The following FOXP4 variants were observed in gnomAD, a reference collection of about 807,000 sequenced individuals.
FOXP4 encodes the protein forkhead box protein P4.
FOXP4 carries 25 observed loss-of-function variants against 82.6 expected under a neutral mutation model. That is an observed-to-expected ratio of 0.30 (90% CI 0.22 to 0.42). FOXP4 has a LOEUF of 0.42. Ranked by LOEUF, FOXP4 falls within the 10% of genes least tolerant of loss-of-function variation. FOXP4 has a pLI of 1.00. For missense variants in FOXP4, 785 were observed against 900.9 expected (o/e 0.87, Z 1.65); for synonymous variants, 415 against 388.2 (o/e 1.07, Z -0.81).
chr6:41,553,947 C>G (rs908735715), intron 1 of FOXP4, among the ~76,000 whole-genome samples: 4 of 152,150 alleles, frequency 2.6e-5, no homozygotes, highest in Admixed American at 1.3e-4. Context: ...TGCTCTGCCC[C>G]CTGCATGGAA....
Position 41,600,309 on chromosome 6 carries a change from C to G in FOXP4, c.*1373C>G, listed in dbSNP as rs373418486. ...TCCTGGGGGCTCTCCAGACCCCTCT[C>G]TAGGACCAAGTCACCCGTCGTGCTG... is the stretch of plus-strand genomic sequence containing the variant. On this transcript the variant is annotated 3_prime_UTR_variant, in exon 17 of 17. Transcript: ENST00000307972. The G allele has an allele frequency of 2.0e-5, 3 of 152,800 alleles. No homozygotes were observed. Among genetic ancestry groups the G allele is most frequent in the East Asian group, 1.9e-4 (1 of 5,168 alleles). The allele number at this position is 152,800 out of a possible 1,614,324, so 9.5% of individuals were successfully genotyped here.
intron 1 of FOXP4, among the ~76,000 whole-genome samples, chr6:41,549,081 G>A (rs371416537): frequency 6.6e-6 from 1 of 152,102 alleles, no homozygotes; most frequent in Non-Finnish European, 1.5e-5. Context: ...TCCACACCCA[G>A]GGCCAGGGTG....
chr6:41,548,475 C>T (rs770340037), intron 1 of FOXP4: 1 of 152,502 alleles, frequency 6.6e-6, no homozygotes, highest in African/African-American at 2.4e-5. Flanking sequence ...GGGCAGCACA[C>T]ACAGCTTGAG....
Position 41,550,862 on chromosome 6 carries a change from C to G in FOXP4, c.-17+3995C>G, listed in dbSNP as rs149744769. Among the ~76,000 whole-genome samples the G allele has an allele frequency of 2.4e-3, 361 of 152,286 alleles. 3 individuals carry two copies. The highest frequency in any genetic ancestry group is 3.6e-3 in the Non-Finnish European group (246 of 68,018). On this transcript the variant is annotated intron_variant, in intron 1 of 16. Coordinates refer to ENST00000307972, the MANE Select transcript of FOXP4 (RefSeq NM_001012426.2). ...GAAAAATGACTGATAACCCCTCTCT[C>G]CAGAAAGGGAGATTTCTAGGGTTTG...
At chr6:41,556,178 G>T (rs1764265253) in intron 1 of FOXP4, among the ~76,000 whole-genome samples, 1 of 152,070 alleles carries the variant, frequency 6.6e-6, no homozygotes, top group Non-Finnish European at 1.5e-5. Context: ...TTTCAGTTTG[G>T]CTCAGTCACT....
At chr6:41,582,863 C>A (rs1765878986) in intron 3 of FOXP4, among the ~76,000 whole-genome samples, 1 of 152,190 alleles carries the variant, frequency 6.6e-6, no homozygotes, top group Non-Finnish European at 1.5e-5. Flanking sequence ...CATTCTCTCC[C>A]TAACCCTTCC....
At chr6:41,573,308 G>A (rs1447763125) in intron 2 of FOXP4, among the ~76,000 whole-genome samples, 3 of 152,096 alleles carry the variant, frequency 2.0e-5, no homozygotes, top group Non-Finnish European at 4.4e-5. Flanking sequence ...TCCTGGAGGG[G>A]AGAGAGAGAC....
In FOXP4 at chr6:41,569,670, C is replaced by T. The variant is rs534682240; in HGVS notation, c.204+3706C>T. Among the ~76,000 whole-genome samples the T allele has an allele frequency of 4.6e-5, 7 of 152,258 alleles. No individual in the cohort carries two copies. In the South Asian group the frequency reaches 1.0e-3, roughly 23 times the overall value. On this transcript the variant is annotated intron_variant, in intron 2 of 16. Transcript: ENST00000307972. ...TGGAGGCAGGCAGAGCCGCTGGCGG[C>T]GGTGCTGAGGCCACGCTGAAAGGCG...
chr6:41,561,519 G>A (rs1185137755), intron 1 of FOXP4, among the ~76,000 whole-genome samples: 2 of 152,194 alleles, frequency 1.3e-5, no homozygotes, highest in Non-Finnish European at 2.9e-5. Context: ...CAGAGCCTCT[G>A]CCTTCCTGTT....
rs374504845 is a variant in FOXP4 at position 41,591,192 on chromosome 6, C to T, written c.1435-29C>T. On this transcript the variant is annotated intron_variant, in intron 12 of 16. Coordinates refer to ENST00000307972, the MANE Select transcript of FOXP4 (RefSeq NM_001012426.2). The surrounding 1 kb of genome is among the most constrained non-coding windows in gnomAD (Gnocchi z 4.2). ...TGTGACCCTTCGAGGCCCAGGCTGA[C>T]GGTCCCTTTGCTTGTTCCTTCCCCG... 28 of 1,576,112 alleles carry T rather than the reference C, an allele frequency of 1.8e-5. No homozygotes were observed. The highest frequency in any genetic ancestry group is 4.6e-5 in the East Asian group (2 of 43,914).
At chr6:41,559,596 T>TA (rs1451383141) in intron 1 of FOXP4, among the ~76,000 whole-genome samples, 11 of 152,168 alleles carry the variant, frequency 7.2e-5, no homozygotes, top group African/African-American at 2.7e-4. Flanking sequence ...TCAGAGCATC[T>TA]AAGGACACTG....
intron 16 of FOXP4, 98 bp from the exon 17 acceptor site, chr6:41,598,691 C>T (rs773866922): frequency 3.9e-6 from 6 of 1,519,258 alleles, no homozygotes; most frequent in Non-Finnish European, 4.4e-6. Context: ...GCTGTGGGCA[C>T]CCCACTGTGC....
chr6:41,590,877 G>A (rs554921454), intron 12 of FOXP4, among the ~76,000 whole-genome samples: 110 of 152,264 alleles, frequency 7.2e-4, no homozygotes, highest in African/African-American at 2.4e-3. Flanking sequence ...CCACCCCGTG[G>A]ACATCTCTCC....
chr6:41,570,079 GACACACACACAC>G (rs35549847), intron 2 of FOXP4: 27 of 123,902 alleles, frequency 2.2e-4, no homozygotes, highest in South Asian at 7.1e-4. Context: ...ACCACCCCCT[GACACACACACAC>G]ACACACACAC....
intron 3 of FOXP4, among the ~76,000 whole-genome samples, chr6:41,582,445 G>A (rs1581759188): frequency 6.6e-6 from 1 of 152,350 alleles, no homozygotes; most frequent in East Asian, 1.9e-4. Flanking sequence ...GGGAAAGTGA[G>A]GCTTGGTGAT....
At chr6:41,569,221 G>A (rs1331312347) in intron 2 of FOXP4, among the ~76,000 whole-genome samples, 1 of 152,208 alleles carries the variant, frequency 6.6e-6, no homozygotes, top group Non-Finnish European at 1.5e-5. Context: ...GGAGCAGTCA[G>A]TCAAGCTGCA....
chr6:41,586,247 G>C (rs1287255972), intron 5 of FOXP4, among the ~76,000 whole-genome samples: 1 of 152,110 alleles, frequency 6.6e-6, no homozygotes, highest in East Asian at 1.9e-4. Flanking sequence ...TTTATCCTGT[G>C]TCTCTCTATT....
chr6:41,574,088 T>C (rs969025466), intron 2 of FOXP4, among the ~76,000 whole-genome samples: 1 of 152,158 alleles, frequency 6.6e-6, no homozygotes, highest in African/African-American at 2.4e-5. Context: ...CCCAGGGCTG[T>C]GTTTGGGTAT....
At chr6:41,582,480 C>CAA (rs1765858005) in intron 3 of FOXP4, among the ~76,000 whole-genome samples, 1 of 152,234 alleles carries the variant, frequency 6.6e-6, no homozygotes, top group Admixed American at 6.5e-5. Flanking sequence ...ATATCAGGGA[C>CAA]AAAAACCAAG....
Sources: allele counts gnomAD v4.1 joint callset (sites outside exome capture counted in the v4.1 genomes callset), GRCh38; gene constraint gnomAD v4.1.1; non-coding constraint Gnocchi (gnomAD v3.1); transcripts MANE v1.5; gene names NCBI Gene and HGNC (gene_info 2026-07-23, HGNC 2026-07-21).